TNNI3K: variants seen among roughly 807,000 people sequenced by gnomAD.
The protein encoded by TNNI3K is TNNI3 interacting kinase.
A neutral mutation model predicts 114.5 loss-of-function variants in TNNI3K; 140 were observed. That is an observed-to-expected ratio of 1.22 (90% CI 1.07 to 1.41). The LOEUF (loss-of-function observed/expected upper bound fraction) is 1.41, where lower values mean the gene tolerates loss of function less well. Ranked by LOEUF, TNNI3K falls within the 40% of genes most tolerant of loss-of-function variation. The pLI is 0.00. For missense variants in TNNI3K, 1,125 were observed against 1,007.6 expected, an observed-to-expected ratio of 1.12 and a Z score of -1.58; for synonymous variants, 347 against 347.5, an observed-to-expected ratio of 1.00 and a Z score of 0.02.
At chr1:74,249,184 A>G (rs1208003472) in intron 2 of TNNI3K, among the ~76,000 whole-genome samples, 2 of 151,348 alleles carry the variant, frequency 1.3e-5, no homozygotes, top group African/African-American at 2.4e-5. Context: ...TAAATTCGCT[A>G]TTGTGACATC....
intron 5 of TNNI3K, among the ~76,000 whole-genome samples, chr1:74,281,032 A>G (rs938647535): frequency 2.0e-5 from 3 of 152,168 alleles, no homozygotes; most frequent in African/African-American, 7.2e-5. Context: ...TCCTGATTCC[A>G]GGCCCTGGCT....
intron 20 of TNNI3K, among the ~76,000 whole-genome samples, chr1:74,446,944 C>A (rs1439843547): frequency 7.5e-5 from 8 of 107,140 alleles, no homozygotes; most frequent in African/African-American, 2.5e-4. Flanking sequence ...GTTACTGTAG[C>A]CTTGTAGTAT....
At chr1:74,464,921 C>T in intron 21 of TNNI3K, 8 of 1,275,786 alleles carry the variant, frequency 6.3e-6, no homozygotes, top group Middle Eastern at 2.9e-4. Context: ...GAATGAATAC[C>T]AGTATTGCCT....
In TNNI3K at chr1:74,416,428, G is replaced by A. The variant is rs116008795; in HGVS notation, c.1773-19652G>A. On this transcript the variant is annotated intron_variant, in intron 17 of 24. Transcript: ENST00000326637. ...TGAAAAGAAGTCTTTGTTAGCATGCGTGACATAGTTTGGGGTGCCTAGAAG... is the reference window on the plus strand; with the variant it reads ...TGAAAAGAAGTCTTTGTTAGCATGCATGACATAGTTTGGGGTGCCTAGAAG... 1.2e-3 allele frequency: 1,147 copies of A among 959,102 alleles called. 11 individuals are homozygous for A. In the African/African-American group the frequency reaches 0.019, roughly 16 times the overall value. 59.4% of individuals were successfully genotyped at this position (959,102 alleles called of 1,614,324 possible).
rs757067288 is a variant in TNNI3K at position 74,439,473 on chromosome 1, T to A, written c.1879-17T>A. 2.6e-5 allele frequency: 41 copies of A among 1,607,470 alleles called. No individual in the cohort carries two copies. The highest frequency in any genetic ancestry group is 3.3e-5 in the Non-Finnish European group (39 of 1,176,708). ...AAACACTTGGTAAATGGCTTGTGGA[T>A]GTTTCTTGATGTGCAGAACCTCCGT... On this transcript the variant is annotated splice_polypyrimidine_tract_variant and intron_variant, in intron 19 of 24. Transcript: ENST00000326637.
intron 20 of TNNI3K, among the ~76,000 whole-genome samples, chr1:74,444,378 A>G (rs1198966395): frequency 6.6e-6 from 1 of 152,132 alleles, no homozygotes; most frequent in Non-Finnish European, 1.5e-5. Context: ...GCATTCCTAT[A>G]CACCAACAAT....
intron 17 of TNNI3K, among the ~76,000 whole-genome samples, chr1:74,406,170 C>T (rs1025111316): frequency 2.0e-5 from 3 of 152,184 alleles, no homozygotes; most frequent in African/African-American, 7.2e-5. Flanking sequence ...GTCCCTGTTT[C>T]CTTTCTGGCT....
intron 23 of TNNI3K, among the ~76,000 whole-genome samples, chr1:74,531,833 G>A (rs545312905): frequency 1.3e-5 from 2 of 152,264 alleles, no homozygotes; most frequent in South Asian, 2.1e-4. Context: ...TGATCCTTGT[G>A]CTAATATTAT....
chr1:74,334,876 A>C (rs1391339034), intron 6 of TNNI3K, among the ~76,000 whole-genome samples: 1 of 152,222 alleles, frequency 6.6e-6, no homozygotes, highest in African/African-American at 2.4e-5. Context: ...AGAGAGGATT[A>C]TTTATGTAAA....
chr1:74,271,757 C>T (rs200515802), intron 5 of TNNI3K, 49 bp downstream of exon 5: 28 of 1,469,706 alleles, frequency 1.9e-5, no homozygotes, highest in African/African-American at 1.8e-4. Flanking sequence ...TTTACCTTTT[C>T]GGTTGTTGTT....
chr1:74,270,398 C>T (rs1382513584), intron 4 of TNNI3K, among the ~76,000 whole-genome samples: 16 of 148,974 alleles, frequency 1.1e-4, no homozygotes, highest in Non-Finnish European at 7.4e-5. Flanking sequence ...TTTTTTAAAA[C>T]GGAGAAAACA....
chr1:74,470,646 A>G (rs990201174), intron 21 of TNNI3K: 3 of 399,904 alleles, frequency 7.5e-6, no homozygotes, highest in Non-Finnish European at 1.3e-5. Context: ...TTTCTACATC[A>G]TTTTCTTCCT....
At chr1:74,533,474 C>T (rs1046061354) in intron 23 of TNNI3K, among the ~76,000 whole-genome samples, 7 of 152,182 alleles carry the variant, frequency 4.6e-5, no homozygotes, top group African/African-American at 1.7e-4. Flanking sequence ...GGACTGTAAA[C>T]TAGTTCAACC....
Position 74,454,166 on chromosome 1 carries a change from C to T in TNNI3K, c.2012-9275C>T, listed in dbSNP as rs374630800. On this transcript the variant is annotated intron_variant, in intron 20 of 24. Transcript: ENST00000326637. ...AGGCATAAAATGTGTAATGATCAAACCAGAATAATAGGGATATCTGACTTA... is the reference window on the plus strand; with the variant it reads ...AGGCATAAAATGTGTAATGATCAAATCAGAATAATAGGGATATCTGACTTA... Among the ~76,000 whole-genome samples, 5 of 151,932 alleles carry T rather than the reference C, an allele frequency of 3.3e-5. No homozygotes were observed. The South Asian group carries it at 1.0e-3, about 31-fold the overall frequency.
chr1:74,276,144 CAT>C (rs1656668345), intron 5 of TNNI3K, among the ~76,000 whole-genome samples: 1 of 152,106 alleles, frequency 6.6e-6, no homozygotes, highest in Admixed American at 6.6e-5. Context: ...TAGCTCCACA[CAT>C]GTTGATTTTC....
intron 4 of TNNI3K, among the ~76,000 whole-genome samples, chr1:74,262,827 C>A (rs1415062145): frequency 1.3e-5 from 2 of 152,076 alleles, no homozygotes; most frequent in Non-Finnish European, 2.9e-5. Flanking sequence ...TCAATTCTTA[C>A]ACCAGACAGT....
intron 17 of TNNI3K, among the ~76,000 whole-genome samples, chr1:74,391,957 A>ATTATTTTTTTTTTTTTTTTTTT (rs1369570973): frequency 3.2e-5 from 3 of 93,040 alleles, no homozygotes; most frequent in Admixed American, 1.2e-4. Flanking sequence ...ACAGCTTATT[A>ATTATTTTTTTTTTTTTTTTTTT]TTTTTTTTTT....
chr1:74,488,266 T>TGATCCCACTGCCCCCACC (rs1668869680), intron 21 of TNNI3K, among the ~76,000 whole-genome samples: 1 of 152,076 alleles, frequency 6.6e-6, no homozygotes. Context: ...CTGCTCCCAC[T>TGATCCCACTGCCCCCACC]GCTCCCACTG....
intron 21 of TNNI3K, chr1:74,468,920 A>G (rs1667788448): frequency 6.6e-6 from 1 of 152,142 alleles, no homozygotes; most frequent in South Asian, 2.1e-4. Context: ...ATGGCTTTGA[A>G]TGAGACATGT....
Sources: gnomAD v4.1 joint callset for allele counts (sites outside exome capture counted in the v4.1 genomes callset) on GRCh38, gnomAD v4.1.1 for gene constraint, MANE v1.5 for transcripts, NCBI Gene and HGNC (gene_info 2026-07-23, HGNC 2026-07-21) for gene names.